The following ADGRE3 variants were observed in gnomAD, a reference collection of about 807,000 sequenced individuals.
The protein encoded by ADGRE3 is adhesion G protein-coupled receptor E3.
A neutral mutation model predicts 80.1 loss-of-function variants in ADGRE3; 88 were observed. The observed-to-expected ratio is 1.10, with a 90% CI of 0.93 to 1.31. The LOEUF (loss-of-function observed/expected upper bound fraction) is 1.31, where lower values mean the gene tolerates loss of function less well. ADGRE3 is among the 40% of genes most tolerant of loss of function. The pLI is 0.00. For missense variants in ADGRE3, 715 were observed against 776.5 expected, an observed-to-expected ratio of 0.92 and a Z score of 0.94; for synonymous variants, 281 against 294.8, an observed-to-expected ratio of 0.95 and a Z score of 0.48.
At chr19:14,637,354 C>T (rs1487090905) in intron 11 of ADGRE3, among the ~76,000 whole-genome samples, 1 of 151,182 alleles carries the variant, frequency 6.6e-6, no homozygotes, top group East Asian at 2.0e-4. Context: ...TGAGAGTCTT[C>T]TCTCATCTTC....
At chr19:14,638,464 G>C (rs1368658493) in intron 10 of ADGRE3, 124 bp from the exon 11 acceptor site, 2 of 663,530 alleles carry the variant, frequency 3.0e-6, no homozygotes, top group African/African-American at 1.8e-5. Flanking sequence ...TAAAAGTAAA[G>C]GGGAACTGGA....
At chr19:14,610,909 G>A in the ADGRE3 span, 1 of 152,030 alleles carries the variant, frequency 6.6e-6, no homozygotes, top group African/African-American at 2.4e-5. Context: ...CAATCCTTCC[G>A]TGATGGCCTC....
At chr19:14,664,060 G>A (rs113461018) in intron 2 of ADGRE3, among the ~76,000 whole-genome samples, 6,014 of 151,522 alleles carry the variant, frequency 0.04, 140 homozygotes, top group East Asian at 0.11. Flanking sequence ...ATCTAAGCAC[G>A]TTAAAAAATT....
chr19:14,667,660 G>T (rs1972140958), intron 2 of ADGRE3, among the ~76,000 whole-genome samples: 1 of 151,992 alleles, frequency 6.6e-6, no homozygotes, highest in Admixed American at 6.6e-5. Context: ...TGGACACAGG[G>T]TGGGGAACAT....
intron 3 of ADGRE3, among the ~76,000 whole-genome samples, chr19:14,662,990 T>C (rs1327519335): frequency 6.6e-6 from 1 of 151,400 alleles, no homozygotes; most frequent in Non-Finnish European, 1.5e-5. Flanking sequence ...TCCCAGGAGT[T>C]GGAGGCTGCA....
At chr19:14,643,583 A>T (rs995470154) in intron 9 of ADGRE3, among the ~76,000 whole-genome samples, 2 of 152,012 alleles carry the variant, frequency 1.3e-5, no homozygotes, top group African/African-American at 4.8e-5. Flanking sequence ...GGCTGACAAC[A>T]CTTCACATGC....
chr19:14,661,929 A>G, intron 4 of ADGRE3, 34 bp downstream of exon 4: 1 of 1,605,224 alleles, frequency 6.2e-7, no homozygotes. Context: ...ACAACAACAG[A>G]GGAAGGAAGG....
chr19:14,628,438 C>CA (rs1360904810), intron 14 of ADGRE3, among the ~76,000 whole-genome samples: 3 of 151,196 alleles, frequency 2.0e-5, no homozygotes, highest in Non-Finnish European at 4.4e-5. Context: ...GAATCTGTCT[C>CA]AAAAAATAAA....
At chr19:14,659,456 A>G (rs964165843) in intron 4 of ADGRE3, among the ~76,000 whole-genome samples, 3 of 152,154 alleles carry the variant, frequency 2.0e-5, no homozygotes, top group African/African-American at 7.2e-5. Flanking sequence ...GATAACCGAA[A>G]CAGAAGCATC....
intron 11 of ADGRE3, among the ~76,000 whole-genome samples, chr19:14,635,652 A>C (rs1401389903): frequency 6.6e-6 from 1 of 151,850 alleles, no homozygotes; most frequent in Non-Finnish European, 1.5e-5. Flanking sequence ...ACCTCAGGTC[A>C]TCCACCCGCC....
At chr19:14,629,469 C>G (rs1306668609) in intron 14 of ADGRE3, among the ~76,000 whole-genome samples, 1 of 152,036 alleles carries the variant, frequency 6.6e-6, no homozygotes. Flanking sequence ...CTTTCTTTGG[C>G]TAATGGGATA....
chr19:14,618,319 C>G (rs964614727), downstream of ADGRE3, among the ~76,000 whole-genome samples: 4 of 150,602 alleles, frequency 2.7e-5, no homozygotes, highest in Non-Finnish European at 3.0e-5. Flanking sequence ...TTGGGAGGCC[C>G]CGGCAGGTGG....
chr19:14,649,956 A>C (rs1185420164), intron 7 of ADGRE3, among the ~76,000 whole-genome samples: 8 of 41,882 alleles, frequency 1.9e-4, no homozygotes, highest in Admixed American at 2.6e-4. Flanking sequence ...CTTTCTCCCC[A>C]TCTCTCTCTT....
chr19:14,638,398 A>G (rs1971160785), intron 10 of ADGRE3, 58 bp from the exon 11 acceptor site: 1 of 1,330,470 alleles, frequency 7.5e-7, no homozygotes, highest in Non-Finnish European at 1.1e-6. Flanking sequence ...TGGCCCTAGG[A>G]CCTCTCCTTG....
At chr19:14,666,933 T>C (rs1299110088) in intron 2 of ADGRE3, among the ~76,000 whole-genome samples, 1 of 152,186 alleles carries the variant, frequency 6.6e-6, no homozygotes, top group African/African-American at 2.4e-5. Context: ...CTCCTAAAAT[T>C]CATGTCCACC....
chr19:14,640,519 G>C (rs191731797), intron 10 of ADGRE3, among the ~76,000 whole-genome samples: 1 of 152,056 alleles, frequency 6.6e-6, no homozygotes, highest in Non-Finnish European at 1.5e-5. Context: ...TTGAACTCCT[G>C]ACCTCAGGTG....
intron 7 of ADGRE3, among the ~76,000 whole-genome samples, chr19:14,648,278 C>T (rs1209957468): frequency 1.3e-5 from 2 of 152,074 alleles, no homozygotes; most frequent in Non-Finnish European, 2.9e-5. Flanking sequence ...ATTAATTCTG[C>T]TGTAAGCATC....
Position 14,644,248 on chromosome 19 carries a change from A to G in ADGRE3, c.910T>C (p.Cys304Arg), listed in dbSNP as rs1971336604. ...TGCCCTGTGCTCTTCCAGTAGACAC[A>G]GAAGACCTTTTTGGTACTGGGGGTC... is the stretch of plus-strand genomic sequence containing the variant. ...KMTPSTKKVF[C>R]VYWKSTGQGS... Residue 304 changes from cysteine to arginine, a missense_variant, in exon 9 of 16, where the codon TGT (cysteine) becomes CGT (arginine). Coordinates refer to ENST00000253673, the MANE Select transcript of ADGRE3 (RefSeq NM_032571.5). The G allele has an allele frequency of 6.4e-7, 1 of 1,574,376 alleles. No homozygotes were observed. The highest frequency in any genetic ancestry group is 1.4e-5 in the African/African-American group (1 of 72,586).
In ADGRE3 at chr19:14,641,478, G is replaced by C; in HGVS notation, c.1189C>G (p.Leu397Val). Residue 397 changes from leucine (L) to valine (V), a missense_variant, in exon 10 of 16, where the codon CTC becomes GTC. Physicochemically the swap from Leu to Val is conservative, Grantham distance 32. Transcript: ENST00000253673. ...AGGAGGTGGGCCAGGAAGAGGCAGA[G>C]CGAGAGCTGCAGATGCAGTGAGGTG... ...TSTSLHLQLS[L>V]CLFLAHLLFL... 7 of 1,613,860 alleles carry C rather than the reference G, an allele frequency of 4.3e-6. No homozygotes were observed. The highest frequency in any genetic ancestry group is 5.9e-6 in the Non-Finnish European group (7 of 1,179,776).
Sources: gnomAD v4.1 joint callset for allele counts (sites outside exome capture counted in the v4.1 genomes callset) on GRCh38, gnomAD v4.1.1 for gene constraint, MANE v1.5 for transcripts, NCBI Gene and HGNC (gene_info 2026-07-23, HGNC 2026-07-21) for gene names.